The following NEDD9 variants were observed in gnomAD, a reference collection of about 807,000 sequenced individuals.
NEDD9 encodes enhancer of filamentation 1.
A neutral mutation model predicts 76.6 loss-of-function variants in NEDD9; 26 were observed. That is an observed-to-expected ratio of 0.34 (90% CI 0.25 to 0.47). The LOEUF is 0.47. NEDD9 is among the 20% of genes least tolerant of loss of function. The pLI is 1.00. For missense variants in NEDD9, 937 were observed against 1,058.5 expected, an observed-to-expected ratio of 0.89 and a Z score of 1.59; for synonymous variants, 392 against 414.2, an observed-to-expected ratio of 0.95 and a Z score of 0.65.
chr6:11,248,339 C>T (rs939136115), intron 3 of NEDD9, among the ~76,000 whole-genome samples: 3 of 152,106 alleles, frequency 2.0e-5, no homozygotes, highest in African/African-American at 4.8e-5. Flanking sequence ...GGTTAGTAAT[C>T]CTACATATGG....
chr6:11,241,467 G>C lies in NEDD9; in HGVS notation c.13-27740C>G, dbSNP rs1039615579. On this transcript the variant is annotated intron_variant, in intron 3 of 3. Coordinates refer to the NEDD9 transcript ENST00000397378. The surrounding 1 kb of genome is among the most constrained non-coding windows in gnomAD (Gnocchi z 4.0). ...TTGTCTAGTTGGACTAAGCAGAAAA[G>C]GCTTATGGATTGTGTGCCCTAGCTT... is the stretch of plus-strand genomic sequence containing the variant. Among the ~76,000 whole-genome samples, 41 of 152,146 alleles carry C rather than the reference G, an allele frequency of 2.7e-4. No individual in the cohort carries two copies. The highest frequency in any genetic ancestry group is 9.2e-4 in the African/African-American group (38 of 41,442).
At position 11,192,369 on chromosome 6, in the gene NEDD9, C is replaced by T. The variant is rs1758169497; in HGVS notation, c.639G>A (p.Val213=). The T allele has an allele frequency of 1.3e-6, 2 of 1,486,290 alleles. No homozygotes were observed. The highest frequency in any genetic ancestry group is 9.1e-7 in the Non-Finnish European group (1 of 1,103,160). The allele number at this position is 1,486,290 out of a possible 1,614,324, so 92.1% of individuals were successfully genotyped here. A position where few individuals can be genotyped will look rare whatever the true frequency, so the allele number is the denominator to read the frequency against. Residue 213 remains valine, a synonymous_variant, in exon 4 of 7, where the codon GTG becomes GTA. Coordinates refer to ENST00000379446, the MANE Select transcript of NEDD9 (RefSeq NM_006403.4). ...CCCCTTTTGTAGGCGGGATGTCATA[C>T]ACCCCTTGAGGTTTTATCTCTCCCA... ...VPVGEIKPQG[V]YDIPPTKGVY...
At position 11,213,734 on chromosome 6, in the gene NEDD9, G is replaced by T. The variant is rs1290739845; in HGVS notation, c.13-7C>A. 1 of 1,612,536 alleles carries T rather than the reference G, an allele frequency of 6.2e-7. No homozygotes were observed. The highest frequency in any genetic ancestry group is 1.1e-5 in the South Asian group (1 of 91,032). ...AGGCCCTTGCCATAAGATTCTAGGA[G>T]GGAAGGAAGAGAAGGAAACCGTGTT... On this transcript the variant is annotated splice_polypyrimidine_tract_variant and splice_region_variant and intron_variant, in intron 1 of 6. Transcript: ENST00000379446. The surrounding 1 kb of genome is among the most constrained non-coding windows in gnomAD (Gnocchi z 5.4).
At chr6:11,373,575 GGC>G (rs1331104749) in intron 1 of NEDD9, among the ~76,000 whole-genome samples, 2 of 152,196 alleles carry the variant, frequency 1.3e-5, no homozygotes, top group Non-Finnish European at 2.9e-5. Flanking sequence ...TTGTCTGGCT[GGC>G]TTTCCTGCTG....
At chr6:11,211,870 C>T (rs1428169709) in intron 2 of NEDD9, among the ~76,000 whole-genome samples, 2 of 152,176 alleles carry the variant, frequency 1.3e-5, no homozygotes, top group African/African-American at 4.8e-5. Flanking sequence ...TCTACCCACA[C>T]AGGGTCAGGG....
At chr6:11,322,350 G>A (rs1322205657) in intron 2 of NEDD9, among the ~76,000 whole-genome samples, 1 of 152,086 alleles carries the variant, frequency 6.6e-6, no homozygotes, top group Non-Finnish European at 1.5e-5. Context: ...AAAAAGAAAT[G>A]CTTTGTGAAT....
intron 2 of NEDD9, among the ~76,000 whole-genome samples, chr6:11,196,692 A>T (rs1056256689): frequency 3.3e-5 from 5 of 150,452 alleles, no homozygotes; most frequent in Non-Finnish European, 7.4e-5. Context: ...CGAATACAGC[A>T]CCCCCCGCCC....
intron 2 of NEDD9, among the ~76,000 whole-genome samples, chr6:11,319,484 A>C (rs1761695724): frequency 6.6e-6 from 1 of 150,718 alleles, no homozygotes. Context: ...ACTAACAAGC[A>C]AATAATCACA....
At chr6:11,302,292 T>TA (rs1405615455) in intron 3 of NEDD9, among the ~76,000 whole-genome samples, 1 of 152,142 alleles carries the variant, frequency 6.6e-6, no homozygotes, top group Non-Finnish European at 1.5e-5. Flanking sequence ...CCTGGACACA[T>TA]ACACTCTCTC....
chr6:11,313,316 TG>T (rs1761433116), intron 2 of NEDD9, among the ~76,000 whole-genome samples: 1 of 151,398 alleles, frequency 6.6e-6, no homozygotes, highest in African/African-American at 2.4e-5. Flanking sequence ...GGTGGATTAA[TG>T]AACGGATGGA....
At chr6:11,200,443 T>A in intron 2 of NEDD9, 2 of 830,558 alleles carry the variant, frequency 2.4e-6, no homozygotes, top group Non-Finnish European at 3.1e-6. Flanking sequence ...ATGTCCCACA[T>A]ACAATCAAAG....
At chr6:11,304,113 A>AG (rs1445821408) in intron 3 of NEDD9, among the ~76,000 whole-genome samples, 1 of 152,248 alleles carries the variant, frequency 6.6e-6, no homozygotes, top group African/African-American at 2.4e-5. Flanking sequence ...AATTTACAAG[A>AG]AATAAACAAA....
At chr6:11,367,466 G>A (rs1468786876) in intron 1 of NEDD9, among the ~76,000 whole-genome samples, 3 of 152,202 alleles carry the variant, frequency 2.0e-5, no homozygotes, top group Admixed American at 6.5e-5. Flanking sequence ...CCTGGAGAAA[G>A]GAAATTTGAT....
At chr6:11,363,035 C>T (rs191015755) in intron 1 of NEDD9, among the ~76,000 whole-genome samples, 52 of 152,224 alleles carry the variant, frequency 3.4e-4, no homozygotes, top group African/African-American at 1.2e-3. Context: ...TAGCCCTGTT[C>T]CCATTTTGAA....
At chr6:11,371,696 T>G (rs537849555) in intron 1 of NEDD9, among the ~76,000 whole-genome samples, 111 of 152,340 alleles carry the variant, frequency 7.3e-4, no homozygotes, top group African/African-American at 2.6e-3. Context: ...TGACGCTTTC[T>G]TAGAAGAATT....
chr6:11,234,273 G>A (rs763058026), upstream of NEDD9, among the ~76,000 whole-genome samples: 3 of 152,168 alleles, frequency 2.0e-5, no homozygotes, highest in Non-Finnish European at 2.9e-5. Flanking sequence ...CCGGAGAGTC[G>A]TTAGTTTGCA....
chr6:11,324,476 C>A (rs747370779), intron 2 of NEDD9, among the ~76,000 whole-genome samples: 4 of 152,216 alleles, frequency 2.6e-5, no homozygotes, highest in African/African-American at 9.7e-5. Context: ...CTTCATGGCA[C>A]GTCACCTGTG....
intron 3 of NEDD9, among the ~76,000 whole-genome samples, chr6:11,298,565 T>G (rs1038910012): frequency 7.9e-5 from 12 of 152,234 alleles, no homozygotes; most frequent in African/African-American, 2.2e-4. Flanking sequence ...CTTCAGGGAA[T>G]GTTTTATCTC....
At chr6:11,223,853 GA>G (rs1017853009) in intron 1 of NEDD9, among the ~76,000 whole-genome samples, 2 of 151,300 alleles carry the variant, frequency 1.3e-5, no homozygotes, top group East Asian at 1.9e-4. Flanking sequence ...ACAAGTCAAT[GA>G]AAAAAAAAGC....
Sources: gnomAD v4.1 joint callset for allele counts (sites outside exome capture counted in the v4.1 genomes callset) on GRCh38, gnomAD v4.1.1 for gene constraint, Gnocchi (gnomAD v3.1) non-coding constraint, MANE v1.5 for transcripts, NCBI Gene and HGNC (gene_info 2026-07-23, HGNC 2026-07-21) for gene names.